Variants in KSR1 observed in about 807,000 individuals in gnomAD.
KSR1 encodes kinase suppressor of ras.
Under a neutral mutation model 92.9 loss-of-function variants are expected in KSR1, and 35 were observed. The ratio of observed to expected loss-of-function variants is 0.38; its 90% CI spans 0.29 to 0.50. The LOEUF (loss-of-function observed/expected upper bound fraction) is 0.50, where lower values mean the gene tolerates loss of function less well. KSR1 is among the 20% of genes least tolerant of loss of function. KSR1 has a pLI of 0.94. For synonymous variants in KSR1, 467 were observed against 472.6 expected, an observed-to-expected ratio of 0.99 and a Z score of 0.15; for missense variants, 972 against 1,158.5, an observed-to-expected ratio of 0.84 and a Z score of 2.34.
intron 2 of KSR1, among the ~76,000 whole-genome samples, chr17:27,564,600 T>A (rs971391861): frequency 6.6e-6 from 1 of 152,288 alleles, no homozygotes; most frequent in South Asian, 2.1e-4. Context: ...TACCTTCTAC[T>A]GTAGTCATGC....
intron 10 of KSR1, among the ~76,000 whole-genome samples, chr17:27,598,876 C>T (rs772128157): frequency 6.6e-6 from 1 of 152,204 alleles, no homozygotes. Flanking sequence ...CCCCACTGCC[C>T]GCCCGGCTGG....
At chr17:27,554,417 A>G (rs1302219950) in intron 2 of KSR1, among the ~76,000 whole-genome samples, 7 of 152,238 alleles carry the variant, frequency 4.6e-5, no homozygotes, top group Admixed American at 2.6e-4. Context: ...ACGTGTTTAC[A>G]GTTGCTCCCC....
chr17:27,563,406 A>G (rs1013266004), intron 2 of KSR1, among the ~76,000 whole-genome samples: 3 of 151,960 alleles, frequency 2.0e-5, no homozygotes, highest in East Asian at 1.9e-4. Context: ...ACAGGTATGC[A>G]CCACTGTGCC....
chr17:27,512,319 C>T (rs573239293), intron 1 of KSR1, among the ~76,000 whole-genome samples: 1 of 152,344 alleles, frequency 6.6e-6, no homozygotes, highest in South Asian at 2.1e-4. Flanking sequence ...TTGCTGTACC[C>T]TTGCCAGTTT....
chr17:27,519,360 C>T (rs759121125), intron 1 of KSR1, among the ~76,000 whole-genome samples: 1 of 152,168 alleles, frequency 6.6e-6, no homozygotes, highest in Non-Finnish European at 1.5e-5. Context: ...TCCCTTAGGG[C>T]TCCCAGGGGT....
chr17:27,520,612 G>T (rs550416821), intron 1 of KSR1, among the ~76,000 whole-genome samples: 2 of 152,224 alleles, frequency 1.3e-5, no homozygotes, highest in Non-Finnish European at 2.9e-5. Flanking sequence ...TGGCTTTTCC[G>T]TGCAGAACGG....
rs114659632 is a variant in KSR1 at position 27,611,931 on chromosome 17, C to G, written c.2493+302C>G. On this transcript the variant is annotated intron_variant, in intron 18 of 20. Transcript: ENST00000644974. The stretch of plus-strand genomic sequence containing the variant: ...TATGAGATGAAAAGAAAGTAAAGCC[C>G]CATGTTATTTACATGAAAGAAGATA... 4.1e-3 allele frequency among the ~76,000 whole-genome samples: 626 copies of G among 152,070 alleles called. 4 individuals carry two copies. The highest frequency in any genetic ancestry group is 0.014 in the African/African-American group (570 of 41,482).
chr17:27,537,622 G>A (rs1013154887), intron 1 of KSR1, among the ~76,000 whole-genome samples: 5 of 152,098 alleles, frequency 3.3e-5, no homozygotes, highest in South Asian at 2.1e-4. Flanking sequence ...CCCGGGAGGC[G>A]GAGGTTGCAA....
chr17:27,618,212 T>C (rs975033387), intron 19 of KSR1, among the ~76,000 whole-genome samples: 2 of 151,802 alleles, frequency 1.3e-5, no homozygotes, highest in Non-Finnish European at 2.9e-5. Flanking sequence ...AGAAGCTCTC[T>C]CCCTCCTGGT....
chr17:27,546,095 C>T (rs2071162465), intron 1 of KSR1, among the ~76,000 whole-genome samples: 1 of 152,180 alleles, frequency 6.6e-6, no homozygotes, highest in Non-Finnish European at 1.5e-5. Context: ...TGTCTCTGGT[C>T]AGCCCTTTGA....
intron 1 of KSR1, among the ~76,000 whole-genome samples, chr17:27,521,953 C>T (rs544043040): frequency 6.6e-6 from 1 of 152,366 alleles, no homozygotes; most frequent in East Asian, 1.9e-4. Context: ...TCTTTCCTTT[C>T]TCTTGCACAT....
chr17:27,493,711 G>GC (rs2068894054), intron 1 of KSR1, among the ~76,000 whole-genome samples: 1 of 152,130 alleles, frequency 6.6e-6, no homozygotes, highest in Admixed American at 6.5e-5. Flanking sequence ...AAAAAGCCCA[G>GC]CCCTAAACTC....
intron 6 of KSR1, among the ~76,000 whole-genome samples, chr17:27,589,704 C>T (rs1230300893): frequency 6.6e-6 from 1 of 152,184 alleles, no homozygotes; most frequent in African/African-American, 2.4e-5. Context: ...GTGGACCAGC[C>T]TTGCACTTTT....
At chr17:27,591,239 G>T (rs550216101) in intron 7 of KSR1, among the ~76,000 whole-genome samples, 1 of 152,200 alleles carries the variant, frequency 6.6e-6, no homozygotes, top group African/African-American at 2.4e-5. Context: ...GCAGACAGGC[G>T]ATGGTAAAAA....
Position 27,456,886 on chromosome 17 carries a change from G to T in KSR1, c.231+12G>T. ...TACGGACCCTGGAGGTAAGTGGGTC[G>T]GGGACCAGGCTGGGCTCGAGGAGCG... On this transcript the variant is annotated intron_variant, in intron 1 of 20. Transcript: ENST00000644974. 1 of 845,306 alleles carries T rather than the reference G, an allele frequency of 1.2e-6. No individual in the cohort carries two copies. Among genetic ancestry groups the T allele is most frequent in the South Asian group, 1.3e-5 (1 of 76,010 alleles). The allele number at this position is 845,306 out of a possible 1,614,324, so 52.4% of individuals were successfully genotyped here. A position where few individuals can be genotyped will look rare whatever the true frequency, so the allele number is the denominator to read the frequency against.
At chr17:27,619,461 G>A (rs967534104) in intron 19 of KSR1, among the ~76,000 whole-genome samples, 3 of 146,938 alleles carry the variant, frequency 2.0e-5, no homozygotes, top group South Asian at 2.2e-4. Context: ...GCAGTGGCAC[G>A]ATCTCAGCTC....
chr17:27,577,461 C>A lies in KSR1; in HGVS notation c.373-31C>A. 7.3e-7 allele frequency: 1 copy of A among 1,368,796 alleles called. No homozygotes were observed. Among genetic ancestry groups the A allele is most frequent in the Non-Finnish European group, 1.0e-6 (1 of 991,772 alleles). The allele number at this position is 1,368,796 out of a possible 1,614,324, so 84.8% of individuals were successfully genotyped here. ...GCTCCCGGCCCAGCCGACTGCTCAC[C>A]GCCTCTCTGCCTGTCCCTCTGTCCC... On this transcript the variant is annotated intron_variant, in intron 2 of 20. Coordinates refer to ENST00000644974, the MANE Select transcript of KSR1 (RefSeq NM_001394583.1). This position sits in a 1 kb window ranked among gnomAD's most constrained non-coding sequence, Gnocchi z 4.5.
chr17:27,580,731 A>G (rs191247331), intron 3 of KSR1, among the ~76,000 whole-genome samples: 196 of 152,232 alleles, frequency 1.3e-3, no homozygotes, highest in Non-Finnish European at 2.4e-3. Flanking sequence ...GGCTTGTGCA[A>G]TACAGGTGCG....
intron 1 of KSR1, among the ~76,000 whole-genome samples, chr17:27,491,069 C>T (rs981289320): frequency 6.6e-6 from 1 of 152,046 alleles, no homozygotes; most frequent in Non-Finnish European, 1.5e-5. Context: ...GTGTGTGTAT[C>T]TATACACACA....
Sources: allele counts gnomAD v4.1 joint callset (sites outside exome capture counted in the v4.1 genomes callset), GRCh38; gene constraint gnomAD v4.1.1; non-coding constraint Gnocchi (gnomAD v3.1); transcripts MANE v1.5; gene names NCBI Gene and HGNC (gene_info 2026-07-23, HGNC 2026-07-21).